Variants in ZNF609 observed in about 807,000 individuals in gnomAD.
ZNF609 encodes the protein zinc finger protein 609.
Under a neutral mutation model 109.5 loss-of-function variants are expected in ZNF609, and 11 were observed. The observed-to-expected ratio is 0.10, with a 90% confidence interval of 0.06 to 0.17. The LOEUF (loss-of-function observed/expected upper bound fraction) is 0.17, where lower values mean the gene tolerates loss of function less well. Among genes scored for constraint, ZNF609 ranks in the 10% least tolerant of loss-of-function variants. The pLI, the probability that ZNF609 is intolerant of heterozygous loss-of-function variation, is 1.00. For missense variants in ZNF609, 1,559 were observed against 1,772.4 expected (o/e 0.88, Z 2.16); for synonymous variants, 646 against 662.0 (o/e 0.98, Z 0.37).
chr15:64,572,754 A>G (rs1479312236), intron 2 of ZNF609, among the ~76,000 whole-genome samples: 2 of 152,146 alleles, frequency 1.3e-5, no homozygotes, highest in Non-Finnish European at 2.9e-5. Flanking sequence ...TTAGCCGGGC[A>G]TGGTGGCACA....
At chr15:64,633,346 C>T (rs1896115570) in intron 3 of ZNF609, among the ~76,000 whole-genome samples, 1 of 152,060 alleles carries the variant, frequency 6.6e-6, no homozygotes, top group Non-Finnish European at 1.5e-5. Flanking sequence ...AAGGTATTGC[C>T]ATATTGCTCA....
chr15:64,565,232 G>GTATTATTATGATTATTAT (rs1555419579), intron 2 of ZNF609, among the ~76,000 whole-genome samples: 1 of 138,736 alleles, frequency 7.2e-6, no homozygotes, highest in Non-Finnish European at 1.5e-5. Flanking sequence ...GCTAATTTTT[G>GTATTATTATGATTATTAT]TATTATTATT....
chr15:64,590,131 A>G (rs1895268854), intron 2 of ZNF609, among the ~76,000 whole-genome samples: 1 of 152,204 alleles, frequency 6.6e-6, no homozygotes, highest in African/African-American at 2.4e-5. Flanking sequence ...CTTGCTGATT[A>G]GAAATCTGAA....
Position 64,681,354 on chromosome 15 carries a change from C to G in ZNF609, c.4208C>G (p.Pro1403Arg). The G allele has an allele frequency of 1.2e-6, 2 of 1,614,086 alleles. No homozygotes were observed. Among genetic ancestry groups the G allele is most frequent in the Non-Finnish European group, 1.7e-6 (2 of 1,179,990 alleles). The change falls in exon 9 of 10, where the codon CCC becomes CGC. Residue 1403 changes from proline (P) to arginine (R), a missense_variant. This residue lies in a region of ZNF609 where 1,204 missense variants were observed against 1,314.1 expected (regional missense o/e 0.92). Transcript: ENST00000326648. ...GTTGCCAGCCAACAAGGCTCAACTC[C>G]CTCACTCTACCCACCCCCCAGGAGG... ...AIVASQQGST[P>R]SLYPPPRR
At chr15:64,524,220 G>A (rs908171816) in intron 2 of ZNF609, among the ~76,000 whole-genome samples, 8 of 152,012 alleles carry the variant, frequency 5.3e-5, no homozygotes, top group African/African-American at 1.9e-4. Context: ...ACTTAGCCCC[G>A]GGCAGTCTAC....
chr15:64,588,176 C>T (rs950569173), intron 2 of ZNF609, among the ~76,000 whole-genome samples: 13 of 150,426 alleles, frequency 8.6e-5, no homozygotes, highest in African/African-American at 2.7e-4. Context: ...CGCCTGTAAT[C>T]CCAGCACTTT....
At chr15:64,552,394 CAG>C (rs766753275) in intron 2 of ZNF609, among the ~76,000 whole-genome samples, 8 of 152,138 alleles carry the variant, frequency 5.3e-5, no homozygotes, top group African/African-American at 9.7e-5. Context: ...GTTTTTGAGA[CAG>C]AGTCTTGCTC....
intron 2 of ZNF609, among the ~76,000 whole-genome samples, chr15:64,508,238 C>T (rs1395667043): frequency 1.3e-5 from 2 of 152,180 alleles, no homozygotes; most frequent in Admixed American, 1.3e-4. Flanking sequence ...GTTGGTATTA[C>T]AAAGCAATCT....
At chr15:64,534,350 C>T (rs1486934888) in intron 2 of ZNF609, among the ~76,000 whole-genome samples, 7 of 144,608 alleles carry the variant, frequency 4.8e-5, no homozygotes, top group African/African-American at 1.6e-4. Context: ...CTCGCTCTGT[C>T]GCCCAGGCTG....
intron 3 of ZNF609, among the ~76,000 whole-genome samples, chr15:64,659,147 A>T (rs1896537156): frequency 6.6e-6 from 1 of 152,146 alleles, no homozygotes; most frequent in African/African-American, 2.4e-5. Context: ...CTGAACTGAG[A>T]TCCTCATTAC....
intron 2 of ZNF609, among the ~76,000 whole-genome samples, chr15:64,553,202 T>C (rs1410013701): frequency 1.3e-5 from 2 of 152,138 alleles, no homozygotes; most frequent in Non-Finnish European, 2.9e-5. Flanking sequence ...AACTTTGTTC[T>C]TTCAAAGTTA....
At chr15:64,611,584 T>C (rs1240080670) in intron 2 of ZNF609, among the ~76,000 whole-genome samples, 2 of 152,198 alleles carry the variant, frequency 1.3e-5, no homozygotes, top group Non-Finnish European at 2.9e-5. Flanking sequence ...ATTTAGGGTC[T>C]GAGCCCAAGA....
At chr15:64,545,646 A>G (rs1352087731) in intron 2 of ZNF609, among the ~76,000 whole-genome samples, 3 of 152,140 alleles carry the variant, frequency 2.0e-5, no homozygotes, top group Non-Finnish European at 2.9e-5. Flanking sequence ...AATTTCCCCA[A>G]GTTCCTTTGT....
chr15:64,648,473 C>T (rs1381593671), intron 3 of ZNF609, among the ~76,000 whole-genome samples: 1 of 152,152 alleles, frequency 6.6e-6, no homozygotes, highest in Non-Finnish European at 1.5e-5. Flanking sequence ...GCCTGGGCGA[C>T]AGAGTGAGAC....
Position 64,473,191 on chromosome 15 carries a change from CTTTTTTTTTTT to C in ZNF609, c.-128+12367_-128+12377del, listed in dbSNP as rs951319279. ...TAAAACTTTTGACTCATATTTGGTT[CTTTTTTTTTTT>C]TTTTTTTTTTTTTGGAGACAGAGTC... On this transcript the variant is annotated intron_variant, in intron 1 of 9. Coordinates refer to ENST00000326648, the MANE Select transcript of ZNF609 (RefSeq NM_015042.2). Among the ~76,000 whole-genome samples the C allele has an allele frequency of 9.2e-5, 7 of 76,076 alleles. 1 individual carries two copies. The highest frequency in any genetic ancestry group is 4.6e-4 in the African/African-American group (7 of 15,354). 49.9% of individuals were successfully genotyped at this position (76,076 alleles called of 152,430 possible). A position where few individuals can be genotyped will look rare whatever the true frequency, so the allele number is the denominator to read the frequency against.
At chr15:64,618,585 G>A (rs1480829622) in intron 2 of ZNF609, among the ~76,000 whole-genome samples, 2 of 152,118 alleles carry the variant, frequency 1.3e-5, no homozygotes, top group African/African-American at 4.8e-5. Flanking sequence ...AGGTTTTATT[G>A]AGTGAAAGTA....
intron 2 of ZNF609, among the ~76,000 whole-genome samples, chr15:64,542,958 C>T (rs1339835259): frequency 6.6e-6 from 1 of 151,822 alleles, no homozygotes; most frequent in Non-Finnish European, 1.5e-5. Context: ...CACATGGACA[C>T]AGGGAGGGGA....
intron 1 of ZNF609, among the ~76,000 whole-genome samples, chr15:64,480,482 G>A (rs1282982755): frequency 6.7e-6 from 1 of 149,684 alleles, no homozygotes. Context: ...AGTGAGCCGA[G>A]ATTCCACCAC....
chr15:64,628,858 C>T (rs754677504), intron 3 of ZNF609, among the ~76,000 whole-genome samples: 4 of 152,106 alleles, frequency 2.6e-5, no homozygotes, highest in Non-Finnish European at 5.9e-5. Flanking sequence ...CTCCTGACCT[C>T]AGGTGATCCC....
Sources: allele counts gnomAD v4.1 joint callset (sites outside exome capture counted in the v4.1 genomes callset), GRCh38; gene constraint gnomAD v4.1.1; regional missense constraint gnomAD v4.1.1; transcripts MANE v1.5; gene names NCBI Gene and HGNC (gene_info 2026-07-23, HGNC 2026-07-21).